The following DHRSX variants were observed in gnomAD, a reference collection of about 807,000 sequenced individuals.
DHRSX encodes polyprenol dehydrogenase.
In DHRSX, 31 loss-of-function variants were observed where a neutral mutation model predicts 34.0. The observed-to-expected ratio is 0.91, with a 90% CI of 0.69 to 1.23. DHRSX has a LOEUF of 1.23. Among genes scored for constraint, DHRSX ranks in the 50% most tolerant of loss-of-function variants. DHRSX has a pLI of 0.00. For synonymous variants in DHRSX, 201 were observed against 183.8 expected (o/e 1.09, Z -0.76); for missense variants, 414 against 428.1 (o/e 0.97, Z 0.29).
intron 3 of DHRSX, among the ~76,000 whole-genome samples, chrX:2,302,634 A>T (rs1338207838): frequency 1.3e-5 from 2 of 151,768 alleles, no homozygotes; most frequent in African/African-American, 4.8e-5. Context: ...TAAATAAATA[A>T]AGTAATATAT....
rs867597601 is a variant in DHRSX at position 2,374,816 on chromosome X, A to G, written c.286+33929T>C. Among the ~76,000 whole-genome samples, 12 of 137,328 alleles carry G rather than the reference A, an allele frequency of 8.7e-5. 1 individual carries two copies. In the Middle Eastern group the frequency reaches 0.011, roughly 125 times the overall value. The allele number at this position is 137,328 out of a possible 152,430, so 90.1% of individuals were successfully genotyped here. On this transcript the variant is annotated intron_variant, in intron 3 of 6. Coordinates refer to ENST00000334651, the MANE Select transcript of DHRSX (RefSeq NM_145177.3). ...ACAGCAAGGCCAGGTTCAGTCCTGT[A>G]ATCCCAGCACTTTGGGAGGCCGTGG...
chrX:2,264,952 A>C (rs2041425947), intron 5 of DHRSX, among the ~76,000 whole-genome samples: 1 of 127,048 alleles, frequency 7.9e-6, no homozygotes, highest in African/African-American at 3.5e-5. Flanking sequence ...TCCAGGGAGC[A>C]CCGTAGCCAG....
At chrX:2,240,655 C>T (rs1048013068) in intron 6 of DHRSX, among the ~76,000 whole-genome samples, 123 of 152,068 alleles carry the variant, frequency 8.1e-4, no homozygotes, top group Middle Eastern at 6.8e-3. Flanking sequence ...AATCGCTCTT[C>T]CGAAAATTCC....
intron 6 of DHRSX, among the ~76,000 whole-genome samples, chrX:2,232,068 CTTT>C (rs2015907093): frequency 6.7e-6 from 1 of 149,864 alleles, no homozygotes; most frequent in Admixed American, 6.7e-5. Context: ...TGTCTTCCTC[CTTT>C]TATTTTTTCT....
intron 4 of DHRSX, among the ~76,000 whole-genome samples, chrX:2,276,332 C>T (rs1419692149): frequency 5.9e-5 from 9 of 152,216 alleles, no homozygotes; most frequent in Non-Finnish European, 8.8e-5. Flanking sequence ...GTGCCGTCCA[C>T]GTTAGGAGCA....
intron 4 of DHRSX, among the ~76,000 whole-genome samples, chrX:2,285,204 C>T (rs1352794708): frequency 2.6e-5 from 4 of 152,106 alleles, no homozygotes; most frequent in African/African-American, 9.7e-5. Context: ...ATTATTATTA[C>T]ATTGTACTAT....
chrX:2,337,374 C>T (rs1463316795), intron 3 of DHRSX, among the ~76,000 whole-genome samples: 2 of 152,052 alleles, frequency 1.3e-5, no homozygotes, highest in African/African-American at 2.4e-5. Context: ...AATTTCATAT[C>T]GTTCTCTTCA....
At chrX:2,272,783 C>T (rs1225392986) in intron 4 of DHRSX, among the ~76,000 whole-genome samples, 1 of 152,122 alleles carries the variant, frequency 6.6e-6, no homozygotes, top group African/African-American at 2.4e-5. Flanking sequence ...AAAGTCAGCC[C>T]CAGCTGCAGC....
intron 3 of DHRSX, among the ~76,000 whole-genome samples, chrX:2,370,211 T>G (rs1275476850): frequency 5.3e-5 from 8 of 151,734 alleles, no homozygotes; most frequent in Non-Finnish European, 1.0e-4. Flanking sequence ...TCACTCTGTC[T>G]CCCAGGCTGG....
chrX:2,412,326 C>T (rs2043641596), intron 2 of DHRSX, among the ~76,000 whole-genome samples: 1 of 152,074 alleles, frequency 6.6e-6, no homozygotes, highest in East Asian at 1.9e-4. Flanking sequence ...TCGGGTGACC[C>T]GTTTGCCTTT....
chrX:2,268,610 C>A (rs2041506948), intron 4 of DHRSX, among the ~76,000 whole-genome samples: 1 of 152,060 alleles, frequency 6.6e-6, no homozygotes, highest in African/African-American at 2.4e-5. Context: ...TAAATTTGTG[C>A]ATATTTTCTT....
At chrX:2,284,218 G>A (rs745412016) in intron 4 of DHRSX, among the ~76,000 whole-genome samples, 7 of 151,576 alleles carry the variant, frequency 4.6e-5, no homozygotes, top group East Asian at 1.9e-4. Flanking sequence ...GAATTCATTC[G>A]TTCCTTTGAA....
At chrX:2,322,072 C>G (rs1233331201) in intron 3 of DHRSX, among the ~76,000 whole-genome samples, 1 of 151,944 alleles carries the variant, frequency 6.6e-6, no homozygotes, top group African/African-American at 2.4e-5. Context: ...CACCCATCAC[C>G]CGAACAGTAT....
intron 3 of DHRSX, among the ~76,000 whole-genome samples, chrX:2,365,562 C>A (rs985550895): frequency 3.9e-5 from 6 of 152,126 alleles, no homozygotes; most frequent in Non-Finnish European, 7.4e-5. Flanking sequence ...CTTACAATCT[C>A]TTTACTTCTT....
At chrX:2,389,565 A>G (rs2043311612) in intron 3 of DHRSX, among the ~76,000 whole-genome samples, 1 of 151,992 alleles carries the variant, frequency 6.6e-6, no homozygotes, top group African/African-American at 2.4e-5. Context: ...GTCTTTCTTG[A>G]CCTAAAACAT....
At chrX:2,250,161 CAAAAAA>C (rs1036532155) in intron 5 of DHRSX, among the ~76,000 whole-genome samples, 2 of 101,810 alleles carry the variant, frequency 2.0e-5, no homozygotes, top group African/African-American at 4.2e-5. Flanking sequence ...GACTCCATCT[CAAAAAA>C]AAAAAAAAAA....
intron 6 of DHRSX, among the ~76,000 whole-genome samples, chrX:2,229,987 ATG>A (rs936758666): frequency 2.0e-4 from 31 of 152,118 alleles, no homozygotes; most frequent in Non-Finnish European, 2.4e-4. Flanking sequence ...AAATGTGTGC[ATG>A]TGTGTTTGCT....
At chrX:2,371,607 CTTCT>C (rs985686531) in intron 3 of DHRSX, among the ~76,000 whole-genome samples, 2 of 151,448 alleles carry the variant, frequency 1.3e-5, no homozygotes, top group South Asian at 2.1e-4. Context: ...AGAGTCCCTC[CTTCT>C]GTTACCAGTC....
chrX:2,481,392 G>A (rs377408731), intron 1 of DHRSX, among the ~76,000 whole-genome samples: 7 of 152,080 alleles, frequency 4.6e-5, no homozygotes, highest in Admixed American at 2.6e-4. Flanking sequence ...TGGGCTGGTC[G>A]CGGTGGCTCA....
Sources: gnomAD v4.1 joint callset for allele counts (sites outside exome capture counted in the v4.1 genomes callset) on GRCh38, gnomAD v4.1.1 for gene constraint, MANE v1.5 for transcripts, NCBI Gene and HGNC (gene_info 2026-07-23, HGNC 2026-07-21) for gene names.